The following GCNT2 variants were observed in gnomAD, a reference collection of about 807,000 sequenced individuals.
GCNT2 encodes the protein N-acetyllactosaminide beta-1,6-N-acetylglucosaminyl-transferase.
A neutral mutation model predicts 34.2 loss-of-function variants in GCNT2; 34 were observed. The ratio of observed to expected loss-of-function variants is 1.00; its 90% CI spans 0.76 to 1.32. The LOEUF (loss-of-function observed/expected upper bound fraction) is 1.32, where lower values mean the gene tolerates loss of function less well. GCNT2 is among the 40% of genes most tolerant of loss of function. GCNT2 has a pLI of 0.00. For synonymous variants in GCNT2, 212 were observed against 188.0 expected (o/e 1.13, Z -1.04); for missense variants, 584 against 489.4 (o/e 1.19, Z -1.82).
At chr6:10,625,567 T>G (rs541484353) in intron 4 of GCNT2, among the ~76,000 whole-genome samples, 41 of 152,232 alleles carry the variant, frequency 2.7e-4, no homozygotes, top group African/African-American at 9.9e-4. Context: ...CTGAGGTTTA[T>G]CACACATCTA....
intron 3 of GCNT2, among the ~76,000 whole-genome samples, chr6:10,564,367 T>C (rs562684276): frequency 2.6e-5 from 4 of 152,346 alleles, no homozygotes; most frequent in African/African-American, 7.2e-5. Flanking sequence ...TCTCTGAATT[T>C]GACACCATTC....
At chr6:10,590,107 T>A (rs749059742) in intron 3 of GCNT2, among the ~76,000 whole-genome samples, 1 of 152,158 alleles carries the variant, frequency 6.6e-6, no homozygotes, top group Admixed American at 6.5e-5. Context: ...TAAGGGACCC[T>A]TAAGGCTTGG....
At chr6:10,567,213 T>G (rs1186882076) in intron 3 of GCNT2, among the ~76,000 whole-genome samples, 1 of 152,136 alleles carries the variant, frequency 6.6e-6, no homozygotes, top group East Asian at 1.9e-4. Flanking sequence ...TATTCCCAGC[T>G]ACTCAGGAGG....
At chr6:10,580,939 T>C (rs891467294) in intron 3 of GCNT2, among the ~76,000 whole-genome samples, 1 of 152,182 alleles carries the variant, frequency 6.6e-6, no homozygotes, top group Non-Finnish European at 1.5e-5. Flanking sequence ...GTAAAAGTTA[T>C]CCTGGGGCAG....
At chr6:10,607,619 C>T (rs992178914) in intron 3 of GCNT2, among the ~76,000 whole-genome samples, 11 of 152,050 alleles carry the variant, frequency 7.2e-5, no homozygotes, top group Non-Finnish European at 7.4e-5. Flanking sequence ...AGTTTGTCAC[C>T]ATAATTTTTA....
intron 3 of GCNT2, among the ~76,000 whole-genome samples, chr6:10,579,856 T>G (rs1295287601): frequency 3.4e-5 from 4 of 117,804 alleles, no homozygotes. Flanking sequence ...AAACAAGTAA[T>G]AAAATGGGCA....
chr6:10,567,703 C>T (rs1581418845), intron 3 of GCNT2, among the ~76,000 whole-genome samples: 1 of 152,176 alleles, frequency 6.6e-6, no homozygotes, highest in Admixed American at 6.5e-5. Flanking sequence ...CCTCTGTCTC[C>T]TGTCCACAAT....
At chr6:10,551,534 C>T (rs1762479668) in intron 3 of GCNT2, among the ~76,000 whole-genome samples, 1 of 151,378 alleles carries the variant, frequency 6.6e-6, no homozygotes, top group Non-Finnish European at 1.5e-5. Context: ...CAACGTTCGC[C>T]TCCCTGATTC....
Position 10,601,351 on chromosome 6 carries a change from C to G in GCNT2, c.926-20000C>G, listed in dbSNP as rs571108946. Among the ~76,000 whole-genome samples the G allele has an allele frequency of 1.1e-4, 16 of 152,080 alleles. No individual in the cohort carries two copies. The South Asian group carries it at 3.3e-3, about 32-fold the overall frequency. ...GATTCAGAATGAATAGTAGAAACAC[C>G]GTGAACTTAATTGGAAGAACAAGAA... On this transcript the variant is annotated intron_variant, in intron 3 of 4. Coordinates refer to ENST00000495262, the MANE Select transcript of GCNT2 (RefSeq NM_145649.5).
intron 3 of GCNT2, among the ~76,000 whole-genome samples, chr6:10,596,835 G>A (rs1365060901): frequency 6.6e-6 from 1 of 151,578 alleles, no homozygotes; most frequent in Non-Finnish European, 1.5e-5. Flanking sequence ...CCATTACTGC[G>A]TATTCTCACA....
chr6:10,600,007 A>G lies in GCNT2; in HGVS notation c.926-21344A>G, dbSNP rs534686503. Among the ~76,000 whole-genome samples, 18 of 152,332 alleles carry G rather than the reference A, an allele frequency of 1.2e-4. 1 individual carries two copies. The highest frequency in any genetic ancestry group is 6.8e-3 in the Middle Eastern group (2 of 294). ...TTGGAAGGGATACTCTCATCATTTA[A>G]AGTGGAGAAACCAGGCACAGGGAGA... On this transcript the variant is annotated intron_variant, in intron 3 of 4. Coordinates refer to ENST00000495262, the MANE Select transcript of GCNT2 (RefSeq NM_145649.5).
In GCNT2 at chr6:10,529,215, A is replaced by C; in HGVS notation, c.304A>C (p.Thr102Pro). The part of the protein sequence containing the change: ...EAGFPLAYTV[T>P]IHKDFGTFER... ...TGGGTTCCCTTTAGCTTACACAGTGACCATCCACAAAGACTTCGGCACTTT... is the reference window on the plus strand; with the variant it reads ...TGGGTTCCCTTTAGCTTACACAGTGCCCATCCACAAAGACTTCGGCACTTT... Residue 102 changes from threonine (T) to proline (P), a missense_variant, in exon 3 of 5, where the codon ACC (threonine) becomes CCC (proline). Thr to Pro is a conservative substitution (Grantham distance 38). Coordinates refer to ENST00000495262, the MANE Select transcript of GCNT2 (RefSeq NM_145649.5). The C allele has an allele frequency of 1.2e-6, 2 of 1,614,208 alleles. No individual in the cohort carries two copies. The highest frequency in any genetic ancestry group is 2.2e-5 in the South Asian group (2 of 91,086).
intron 3 of GCNT2, among the ~76,000 whole-genome samples, chr6:10,550,845 C>A (rs1460387723): frequency 6.6e-6 from 1 of 152,172 alleles, no homozygotes; most frequent in Non-Finnish European, 1.5e-5. Context: ...GCCCTGTAAC[C>A]TGTATTTCTA....
chr6:10,605,076 G>T (rs768520106), intron 3 of GCNT2, among the ~76,000 whole-genome samples: 1 of 151,858 alleles, frequency 6.6e-6, no homozygotes, highest in African/African-American at 2.4e-5. Context: ...AGCTTAGGAG[G>T]TGAAGGCTGC....
At chr6:10,535,140 C>T (rs147428661) in intron 3 of GCNT2, among the ~76,000 whole-genome samples, 1,958 of 152,160 alleles carry the variant, frequency 0.013, 18 homozygotes, top group Middle Eastern at 0.065. Context: ...GCCGAGATCG[C>T]GCCACTGCAC....
intron 1 of GCNT2, among the ~76,000 whole-genome samples, chr6:10,522,326 G>A (rs973054481): frequency 6.6e-6 from 1 of 152,202 alleles, no homozygotes; most frequent in Admixed American, 6.5e-5. Context: ...GCCATTCTAT[G>A]AAAACCCATC....
chr6:10,538,437 A>AAAAAAATAT (rs1554127249), intron 3 of GCNT2, among the ~76,000 whole-genome samples: 3 of 73,346 alleles, frequency 4.1e-5, no homozygotes, highest in African/African-American at 1.2e-4. Flanking sequence ...AAAAAAAAAA[A>AAAAAAATAT]ATATATATAT....
At chr6:10,584,792 G>T (rs568930402) in intron 3 of GCNT2, among the ~76,000 whole-genome samples, 58 of 152,286 alleles carry the variant, frequency 3.8e-4, no homozygotes, top group African/African-American at 1.3e-3. Flanking sequence ...GCACAAGGTT[G>T]GGACAAAAGT....
intron 3 of GCNT2, among the ~76,000 whole-genome samples, chr6:10,578,821 TTTG>T (rs554215883): frequency 3.8e-4 from 58 of 152,112 alleles, no homozygotes; most frequent in South Asian, 6.2e-4. Context: ...TTAGATCCAT[TTTG>T]TTGTTGTTGT....
Sources: gnomAD v4.1 joint callset for allele counts (sites outside exome capture counted in the v4.1 genomes callset) on GRCh38, gnomAD v4.1.1 for gene constraint, MANE v1.5 for transcripts, NCBI Gene and HGNC (gene_info 2026-07-23, HGNC 2026-07-21) for gene names.